NPFFR2: variants seen among roughly 807,000 people sequenced by gnomAD.
NPFFR2 encodes neuropeptide FF receptor 2, also known as G-protein coupled receptor 74.
A neutral mutation model predicts 13.1 loss-of-function variants in NPFFR2; 15 were observed. The ratio of observed to expected loss-of-function variants is 1.15; its 90% CI spans 0.77 to 1.76. The LOEUF (loss-of-function observed/expected upper bound fraction) is 1.76. Among genes scored for constraint, NPFFR2 ranks in the 40% most tolerant of loss-of-function variants. The pLI is 0.00. For missense variants in NPFFR2, 572 were observed against 503.5 expected (o/e 1.14, Z -1.30); for synonymous variants, 190 against 175.7 (o/e 1.08, Z -0.65).
chr4:72,109,290 C>G (rs1008769317), intron 1 of NPFFR2, among the ~76,000 whole-genome samples: 6 of 152,014 alleles, frequency 3.9e-5, no homozygotes, highest in African/African-American at 1.4e-4. Flanking sequence ...GAAGAACTCC[C>G]ATTTTTCCCT....
intron 1 of NPFFR2, among the ~76,000 whole-genome samples, chr4:72,038,905 CTTT>C (rs1158358179): frequency 9.4e-5 from 8 of 84,736 alleles, no homozygotes; most frequent in East Asian, 3.9e-4. Context: ...AATTTCCTTT[CTTT>C]TTTTTTTTTT....
In NPFFR2 at chr4:72,147,338, C is replaced by T. The variant is rs367856737; in HGVS notation, c.789C>T (p.His263=). ...HTGRKNQEQW[H]VVSRKKQKII... is the part of the protein sequence containing the mutation. ...GCAGGAAGAACCAGGAGCAGTGGCA[C>T]GTGGTGTCCAGGAAGAAGCAGAAGA... Residue 263 remains histidine (H), a synonymous_variant, in exon 4 of 4, where the codon CAC becomes CAT. Coordinates refer to ENST00000308744, the MANE Select transcript of NPFFR2 (RefSeq NM_004885.3). 3.3e-5 allele frequency: 54 copies of T among 1,614,024 alleles called. No homozygotes were observed. The highest frequency in any genetic ancestry group is 2.2e-4 in the East Asian group (10 of 44,886).
intron 1 of NPFFR2, among the ~76,000 whole-genome samples, chr4:72,089,966 TAA>T (rs1398130765): frequency 2.6e-5 from 4 of 152,166 alleles, no homozygotes; most frequent in African/African-American, 9.6e-5. Flanking sequence ...GTTTCAGATT[TAA>T]GTCTTTGATC....
chr4:72,090,613 A>G (rs115815051), intron 1 of NPFFR2, among the ~76,000 whole-genome samples: 4,443 of 152,040 alleles, frequency 0.029, 177 homozygotes, highest in African/African-American at 0.09. Flanking sequence ...TGAATTCTTG[A>G]TTTGATTCTC....
chr4:72,070,925 A>G (rs766250666), intron 1 of NPFFR2, among the ~76,000 whole-genome samples: 1 of 152,134 alleles, frequency 6.6e-6, no homozygotes, highest in Non-Finnish European at 1.5e-5. Flanking sequence ...TATTTCGACA[A>G]TGTTTCAGCC....
intron 1 of NPFFR2, among the ~76,000 whole-genome samples, chr4:72,043,473 G>C (rs113949438): frequency 2.8e-4 from 42 of 152,360 alleles, no homozygotes; most frequent in African/African-American, 9.6e-4. Context: ...CAGTAAGGGG[G>C]CTGTGCCCTG....
chr4:72,034,962 A>T (rs1719007944), intron 1 of NPFFR2, among the ~76,000 whole-genome samples: 1 of 152,252 alleles, frequency 6.6e-6, no homozygotes, highest in Non-Finnish European at 1.5e-5. Flanking sequence ...TCCCAGTCAG[A>T]CTTCTAACTG....
In NPFFR2 at chr4:72,133,513, A is replaced by G. The variant is rs183998484; in HGVS notation, c.329-4527A>G. On this transcript the variant is annotated intron_variant, in intron 2 of 3. Transcript: ENST00000308744. ...CAGGCTCTTTTTTGCTTCCATATGA[A>G]TTTTAAAATAATTTTTCTAGTTCTG... Among the ~76,000 whole-genome samples the G allele has an allele frequency of 2.0e-5, 3 of 152,258 alleles. No individual in the cohort carries two copies. In the East Asian group the frequency reaches 5.8e-4, roughly 29 times the overall value.
chr4:72,141,852 A>C (rs1722637134), intron 3 of NPFFR2, among the ~76,000 whole-genome samples: 2 of 152,162 alleles, frequency 1.3e-5, no homozygotes, highest in Non-Finnish European at 2.9e-5. Context: ...TAATATTGAC[A>C]GTGGGGTGTT....
In NPFFR2 at chr4:72,147,451, A is replaced by G. The variant is rs150345262; in HGVS notation, c.902A>G (p.Asp301Gly). The change falls in exon 4 of 4, where the codon GAC (aspartate) becomes GGC (glycine). Residue 301 changes from aspartate to glycine, a missense_variant. By Grantham distance (94) the Asp-to-Gly change is moderately conservative (BLOSUM62 -1). Transcript: ENST00000308744. ...CTAATGATGCTCTCAGACTACGCTG[A>G]CCTTTCTCCAAATGAACTGCAGATC... ...WTLMMLSDYA[D>G]LSPNELQIIN... The G allele has an allele frequency of 3.1e-4, 507 of 1,614,068 alleles. 2 individuals carry two copies. In the African/African-American group the frequency reaches 6.2e-3, roughly 20 times the overall value.
intron 1 of NPFFR2, among the ~76,000 whole-genome samples, chr4:72,072,614 CA>C (rs1720292246): frequency 6.6e-6 from 1 of 151,892 alleles, no homozygotes; most frequent in African/African-American, 2.4e-5. Flanking sequence ...ATGAAAATCT[CA>C]GGGGGGAAGA....
At chr4:72,075,163 A>G (rs1360562617) in intron 1 of NPFFR2, among the ~76,000 whole-genome samples, 2 of 152,122 alleles carry the variant, frequency 1.3e-5, no homozygotes, top group East Asian at 3.9e-4. Flanking sequence ...CAGTGAATAT[A>G]AAGCAGGTAG....
At chr4:72,058,155 C>T (rs1040516116) in intron 1 of NPFFR2, among the ~76,000 whole-genome samples, 13 of 151,808 alleles carry the variant, frequency 8.6e-5, no homozygotes, top group Non-Finnish European at 1.5e-4. Context: ...TTTTGATTAT[C>T]GTGTTGTGTA....
intron 1 of NPFFR2, among the ~76,000 whole-genome samples, chr4:72,088,477 TAG>T (rs1475085068): frequency 6.6e-6 from 1 of 152,146 alleles, no homozygotes; most frequent in East Asian, 1.9e-4. Flanking sequence ...TAGACATATG[TAG>T]AGAGACTATA....
Position 72,147,778 on chromosome 4 carries a change from A to T in NPFFR2, c.1229A>T (p.Glu410Val). The T allele has an allele frequency of 6.3e-7, 1 of 1,584,728 alleles. No individual in the cohort carries two copies. Among genetic ancestry groups the T allele is most frequent in the Non-Finnish European group, 8.5e-7 (1 of 1,172,260 alleles). ...EKPQQELVME[E>V]LKETTNSSEI The stretch of plus-strand genomic sequence containing the variant: ...CCCCAACAGGAATTAGTGATGGAAG[A>T]ATTAAAAGAAACTACTAACAGCAGT... The change falls in exon 4 of 4, where the codon GAA becomes GTA. Residue 410 changes from glutamate (E) to valine (V), a missense_variant. Coordinates refer to ENST00000308744, the MANE Select transcript of NPFFR2 (RefSeq NM_004885.3).
chr4:72,055,404 G>T (rs893814535), intron 1 of NPFFR2, among the ~76,000 whole-genome samples: 4 of 151,964 alleles, frequency 2.6e-5, no homozygotes, highest in Non-Finnish European at 5.9e-5. Context: ...AAATGGCAAA[G>T]GTAATAGATA....
chr4:72,069,598 T>C (rs1466462764), intron 1 of NPFFR2, among the ~76,000 whole-genome samples: 1 of 152,078 alleles, frequency 6.6e-6, no homozygotes, highest in African/African-American at 2.4e-5. Context: ...TTAAAACGTT[T>C]GCGATAAGAC....
intron 1 of NPFFR2, among the ~76,000 whole-genome samples, chr4:72,099,796 C>T (rs967156575): frequency 6.6e-6 from 1 of 152,106 alleles, no homozygotes; most frequent in African/African-American, 2.4e-5. Flanking sequence ...CATTTTATTA[C>T]TTTACTATGG....
intron 1 of NPFFR2, among the ~76,000 whole-genome samples, chr4:72,086,450 A>G (rs1294911417): frequency 2.6e-5 from 4 of 152,098 alleles, no homozygotes; most frequent in Non-Finnish European, 5.9e-5. Context: ...ATAGTGCTCT[A>G]TTTAGAACCT....
Sources: gnomAD v4.1 joint callset for allele counts (sites outside exome capture counted in the v4.1 genomes callset) on GRCh38, gnomAD v4.1.1 for gene constraint, MANE v1.5 for transcripts, NCBI Gene and HGNC (gene_info 2026-07-23, HGNC 2026-07-21) for gene names.